DOCK7: variants seen among roughly 807,000 people sequenced by gnomAD.
The protein encoded by DOCK7 is dedicator of cytokinesis 7, also known as dedicator of cytokinesis protein 7.
DOCK7 carries 138 observed loss-of-function variants against 271.0 expected under a neutral mutation model. That is an observed-to-expected ratio of 0.51 (90% CI 0.44 to 0.59). The LOEUF is 0.59. Ranked by LOEUF, DOCK7 falls within the 20% of genes least tolerant of loss-of-function variation. The probability of loss-of-function intolerance (pLI) is 0.00; values close to 1 mark genes in which losing one functional copy is unlikely to be tolerated. For synonymous variants in DOCK7, 823 were observed against 876.1 expected (o/e 0.94, Z 1.07); for missense variants, 2,066 against 2,592.4 (o/e 0.80, Z 4.41).
At chr1:62,535,843 A>T (rs1195556794) in intron 28 of DOCK7, among the ~76,000 whole-genome samples, 2 of 152,198 alleles carry the variant, frequency 1.3e-5, no homozygotes, top group Non-Finnish European at 2.9e-5. Flanking sequence ...GAAATTAATC[A>T]TTGAAAATTT....
intron 37 of DOCK7, among the ~76,000 whole-genome samples, chr1:62,502,531 A>G (rs148858884): frequency 8.4e-4 from 128 of 152,322 alleles, no homozygotes; most frequent in African/African-American, 2.9e-3. Context: ...TTGGAGGACC[A>G]TAAGCTAAGA....
intron 16 of DOCK7, among the ~76,000 whole-genome samples, chr1:62,580,262 A>G (rs1205861544): frequency 6.6e-6 from 1 of 152,204 alleles, no homozygotes; most frequent in Admixed American, 6.5e-5. Context: ...GGCTTTTGAT[A>G]ATAAACAAGA....
At chr1:62,668,348 T>C (rs990194699) in intron 1 of DOCK7, among the ~76,000 whole-genome samples, 4 of 152,142 alleles carry the variant, frequency 2.6e-5, no homozygotes, top group African/African-American at 9.7e-5. Context: ...AAAGTCTATT[T>C]AAGAGGGTGG....
intron 1 of DOCK7, among the ~76,000 whole-genome samples, chr1:62,667,849 C>T (rs1659496352): frequency 6.6e-6 from 1 of 152,088 alleles, no homozygotes; most frequent in Admixed American, 6.5e-5. Flanking sequence ...GAAACCCCGT[C>T]TCTACGAAAA....
chr1:62,577,914 A>G (rs1646985302), intron 17 of DOCK7, among the ~76,000 whole-genome samples: 1 of 151,838 alleles, frequency 6.6e-6, no homozygotes, highest in East Asian at 1.9e-4. Context: ...CAATTCAACC[A>G]TAGTAATTTT....
At chr1:62,543,896 T>G in intron 23 of DOCK7, 151 bp from the exon 24 acceptor site, 1 of 535,660 alleles carries the variant, frequency 1.9e-6, no homozygotes, top group Non-Finnish European at 3.3e-6. Flanking sequence ...TTCACCATGT[T>G]AAGCTGCTTT....
At chr1:62,546,483 T>C (rs1221030962) in intron 22 of DOCK7, among the ~76,000 whole-genome samples, 2 of 152,268 alleles carry the variant, frequency 1.3e-5, no homozygotes, top group Admixed American at 6.5e-5. Flanking sequence ...TCCTGCTTAC[T>C]AGCTGTAAAA....
At chr1:62,533,296 CA>C (rs1645235439) in intron 29 of DOCK7, among the ~76,000 whole-genome samples, 1 of 151,866 alleles carries the variant, frequency 6.6e-6, no homozygotes, top group Non-Finnish European at 1.5e-5. Context: ...TTATTGTAAC[CA>C]AAAACAGGTT....
At chr1:62,601,051 T>G (rs1650042439) in intron 14 of DOCK7, 1 of 1,334,438 alleles carries the variant, frequency 7.5e-7, no homozygotes, top group African/African-American at 1.4e-5. Context: ...TCAGTATCAT[T>G]TTAAAAAACA....
At chr1:62,542,747 C>T (rs780591749) in intron 24 of DOCK7, 44 bp from the exon 25 acceptor site, 2 of 1,557,956 alleles carry the variant, frequency 1.3e-6, no homozygotes, top group South Asian at 2.3e-5. Context: ...GTCAAATCTG[C>T]TGATAACATA....
chr1:62,685,830 G>A (rs1457313114), intron 1 of DOCK7, among the ~76,000 whole-genome samples: 4 of 152,096 alleles, frequency 2.6e-5, no homozygotes, highest in African/African-American at 4.8e-5. Context: ...TCCTCAGTCC[G>A]CCTCACCTTG....
chr1:62,494,493 A>G lies in DOCK7; in HGVS notation c.5025-26T>C. On this transcript the variant is annotated intron_variant, in intron 39 of 49. Transcript: ENST00000635253. ...CTAATTAGAACAGAAATTCTTCTCC[A>G]TTAGTATGTGCTTCCCAAGCTGGGA... is the stretch of plus-strand genomic sequence containing the variant. 3 of 1,578,736 alleles carry G rather than the reference A, an allele frequency of 1.9e-6. No individual in the cohort carries two copies. The South Asian group carries it at 3.4e-5, about 18-fold the overall frequency.
At chr1:62,614,012 T>C (rs545470058) in intron 14 of DOCK7, among the ~76,000 whole-genome samples, 99 of 152,250 alleles carry the variant, frequency 6.5e-4, no homozygotes, top group Middle Eastern at 3.4e-3. Flanking sequence ...GTCAACTTTA[T>C]CTTCCTTTTT....
intron 6 of DOCK7, 117 bp downstream of exon 6, chr1:62,647,989 A>T (rs1656879900): frequency 1.0e-6 from 1 of 963,146 alleles, no homozygotes; most frequent in African/African-American, 1.7e-5. Context: ...TCATTTATAA[A>T]AATTACAGCT....
At chr1:62,681,024 C>T (rs1333101203) in intron 1 of DOCK7, among the ~76,000 whole-genome samples, 2 of 152,152 alleles carry the variant, frequency 1.3e-5, no homozygotes, top group African/African-American at 2.4e-5. Context: ...ACCCAGCCAT[C>T]CCATTACTGG....
intron 39 of DOCK7, 133 bp downstream of exon 39, chr1:62,495,448 A>G: frequency 1.6e-6 from 1 of 608,722 alleles, no homozygotes; most frequent in South Asian, 3.9e-5. Context: ...AAAAATAAAA[A>G]TAAAAACAAT....
At chr1:62,670,212 G>A (rs941415589) in intron 1 of DOCK7, among the ~76,000 whole-genome samples, 20 of 152,306 alleles carry the variant, frequency 1.3e-4, no homozygotes, top group African/African-American at 4.6e-4. Context: ...CCTCCCCGAC[G>A]AGCGCCACCC....
intron 12 of DOCK7, 137 bp downstream of exon 12, chr1:62,625,119 TTTA>T (rs1371870667): frequency 1.1e-5 from 7 of 633,092 alleles, no homozygotes. Context: ...TATAGTTGCT[TTTA>T]TTATTTTTAT....
Position 62,555,984 on chromosome 1 carries a change from G to C in DOCK7, c.2437C>G (p.Leu813Val), listed in dbSNP as rs1456672988. The C allele has an allele frequency of 6.2e-7, 1 of 1,612,334 alleles. No individual in the cohort carries two copies. The highest frequency in any genetic ancestry group is 8.5e-7 in the Non-Finnish European group (1 of 1,179,606). Reference protein sequence around the residue: ...PPVIAGQIVNLGQASFEAMAS... With the variant: ...PPVIAGQIVNVGQASFEAMAS... Reference sequence around the variant, plus strand: ...ATGGCTTCAAAAGATGCTTGACCTAGGTTAACTTTTAAGAAAGAAGAAGTA... The same window carrying C: ...ATGGCTTCAAAAGATGCTTGACCTACGTTAACTTTTAAGAAAGAAGAAGTA... The change falls in exon 21 of 50, where the codon CTA (leucine) becomes GTA (valine). Residue 813 changes from leucine (L) to valine (V), a missense_variant. Leu to Val is a conservative substitution (Grantham distance 32, BLOSUM62 1). Coordinates refer to ENST00000635253, the MANE Select transcript of DOCK7 (RefSeq NM_001367561.1).
Sources: gnomAD v4.1 joint callset for allele counts (sites outside exome capture counted in the v4.1 genomes callset) on GRCh38, gnomAD v4.1.1 for gene constraint, MANE v1.5 for transcripts, NCBI Gene and HGNC (gene_info 2026-07-23, HGNC 2026-07-21) for gene names.